Variants in PCDH11X observed in about 807,000 individuals in gnomAD.
PCDH11X encodes protocadherin-11 X-linked.
A neutral mutation model predicts 53.3 loss-of-function variants in PCDH11X; 18 were observed. The observed-to-expected ratio is 0.34, with a 90% CI of 0.23 to 0.50. The LOEUF (loss-of-function observed/expected upper bound fraction) is 0.50, where lower values mean the gene tolerates loss of function less well. Among genes scored for constraint, PCDH11X ranks in the 20% least tolerant of loss-of-function variants. PCDH11X has a pLI of 0.98. For synonymous variants in PCDH11X, 279 were observed against 393.3 expected (o/e 0.71, Z 3.44); for missense variants, 570 against 1,032.4 (o/e 0.55, Z 6.14).
intron 9 of PCDH11X, among the ~76,000 whole-genome samples, chrX:92,443,974 T>C (rs1171446369): frequency 8.1e-5 from 9 of 110,806 alleles, no homozygotes; most frequent in African/African-American, 2.3e-4. Context: ...ATGCCTCCAG[T>C]ATTTTTCTTT....
chrX:92,507,029 G>A (rs1380564140), intron 10 of PCDH11X, among the ~76,000 whole-genome samples: 1 of 110,080 alleles, frequency 9.1e-6, no homozygotes, highest in Non-Finnish European at 1.9e-5. Context: ...CTGAGGGTTT[G>A]TATGTCTCTG....
chrX:91,842,142 A>C (rs1196631371), intron 5 of PCDH11X, among the ~76,000 whole-genome samples: 1 of 106,655 alleles, frequency 9.4e-6, no homozygotes, highest in African/African-American at 3.4e-5. Context: ...TCCCTTTTGT[A>C]TTTATCAGTG....
At chrX:92,435,387 T>G (rs1452468787) in intron 9 of PCDH11X, among the ~76,000 whole-genome samples, 3 of 110,353 alleles carry the variant, frequency 2.7e-5, no homozygotes, top group Non-Finnish European at 3.8e-5. Context: ...TCATAAAAAT[T>G]TCCCCAATAT....
intron 6 of PCDH11X, among the ~76,000 whole-genome samples, chrX:92,074,935 C>T (rs2063752923): frequency 9.0e-6 from 1 of 110,975 alleles, no homozygotes; most frequent in South Asian, 3.8e-4. Flanking sequence ...AATGTGTGTG[C>T]TATATCACAT....
At chrX:92,149,332 A>C (rs1173340192) in intron 6 of PCDH11X, among the ~76,000 whole-genome samples, 2 of 110,087 alleles carry the variant, frequency 1.8e-5, no homozygotes, top group Non-Finnish European at 3.8e-5. Context: ...TATCAGAGAA[A>C]GATTAGCATT....
At chrX:91,923,104 C>T (rs1449225648) in intron 6 of PCDH11X, among the ~76,000 whole-genome samples, 4 of 107,748 alleles carry the variant, frequency 3.7e-5, no homozygotes, top group Non-Finnish European at 5.8e-5. Flanking sequence ...TCTAGTTATA[C>T]GAAGGATAGC....
intron 8 of PCDH11X, among the ~76,000 whole-genome samples, chrX:92,291,873 CA>C (rs199895319): frequency 9.9e-6 from 1 of 100,826 alleles, no homozygotes; most frequent in African/African-American, 3.6e-5. Flanking sequence ...GTCTCAAAAA[CA>C]AAAAAAAAGA....
At chrX:92,129,326 A>G (rs60957020) in intron 6 of PCDH11X, among the ~76,000 whole-genome samples, 2,905 of 110,422 alleles carry the variant, frequency 0.026, 139 homozygotes, top group African/African-American at 0.093. Context: ...GGGAGGCAGA[A>G]GTTGCAGTGA....
At chrX:92,484,225 G>GTA (rs1335904847) in intron 10 of PCDH11X, among the ~76,000 whole-genome samples, 2 of 73,688 alleles carry the variant, frequency 2.7e-5, no homozygotes, top group Non-Finnish European at 5.1e-5. Context: ...ATGTATATAT[G>GTA]TATATATGTA....
At chrX:92,089,352 CAT>C (rs1161499332) in intron 6 of PCDH11X, among the ~76,000 whole-genome samples, 8 of 110,454 alleles carry the variant, frequency 7.2e-5, no homozygotes, top group Non-Finnish European at 7.6e-5. Flanking sequence ...TTATTGCTCA[CAT>C]AGTCATATAT....
chrX:92,608,910 G>A (rs1395568092), intron 10 of PCDH11X, among the ~76,000 whole-genome samples: 2 of 110,646 alleles, frequency 1.8e-5, no homozygotes, highest in Non-Finnish European at 1.9e-5. Flanking sequence ...AACATTACCT[G>A]AATTCCCAGC....
At chrX:92,237,716 C>T (rs966162430) in intron 7 of PCDH11X, among the ~76,000 whole-genome samples, 3 of 111,561 alleles carry the variant, frequency 2.7e-5, no homozygotes, top group Admixed American at 9.6e-5. Context: ...TAAAGCTCCA[C>T]AGCAGTAACT....
intron 9 of PCDH11X, among the ~76,000 whole-genome samples, chrX:92,425,315 A>T (rs1376392082): frequency 1.8e-5 from 2 of 110,132 alleles, no homozygotes; most frequent in Non-Finnish European, 3.8e-5. Flanking sequence ...GTAGCAGTAG[A>T]TGTGGCAGAT....
chrX:92,604,443 A>C (rs1022214408), intron 10 of PCDH11X, among the ~76,000 whole-genome samples: 57 of 110,837 alleles, frequency 5.1e-4, no homozygotes, highest in Non-Finnish European at 7.6e-4. Flanking sequence ...ACACACATAC[A>C]CACACATATA....
At chrX:92,130,381 T>A (rs2064949815) in intron 6 of PCDH11X, among the ~76,000 whole-genome samples, 1 of 110,819 alleles carries the variant, frequency 9.0e-6, no homozygotes. Context: ...GCACGGTGGC[T>A]CATGCCTGTA....
At chrX:92,064,927 C>T (rs765091284) in intron 6 of PCDH11X, among the ~76,000 whole-genome samples, 2 of 103,671 alleles carry the variant, frequency 1.9e-5, no homozygotes, top group African/African-American at 7.6e-5. Context: ...TGGCCTTCAG[C>T]ATCAGGGACA....
chrX:91,885,169 AT>A (rs1940136130), intron 6 of PCDH11X, among the ~76,000 whole-genome samples: 1 of 106,229 alleles, frequency 9.4e-6, no homozygotes, highest in African/African-American at 3.4e-5. Context: ...TATGGTAGAT[AT>A]CATGTGAGTT....
At chrX:91,847,197 C>A (rs750453530) in intron 5 of PCDH11X, among the ~76,000 whole-genome samples, 11 of 110,190 alleles carry the variant, frequency 1.0e-4, no homozygotes, top group Admixed American at 3.9e-4. Context: ...CAGTGTTGCC[C>A]AGGCTGGAGT....
intron 10 of PCDH11X, among the ~76,000 whole-genome samples, chrX:92,594,592 G>T (rs988599938): frequency 9.2e-6 from 1 of 108,888 alleles, no homozygotes; most frequent in Non-Finnish European, 1.9e-5. Flanking sequence ...ACTTTTTTCA[G>T]CCACAGTTGT....
Sources: allele counts gnomAD v4.1 joint callset (sites outside exome capture counted in the v4.1 genomes callset), GRCh38; gene constraint gnomAD v4.1.1; transcripts MANE v1.5; gene names NCBI Gene and HGNC (gene_info 2026-07-23, HGNC 2026-07-21).